CNTNAP5: variants seen among roughly 807,000 people sequenced by gnomAD.
CNTNAP5 encodes contactin-associated protein-like 5.
CNTNAP5 carries 72 observed loss-of-function variants against 150.2 expected under a neutral mutation model. The observed-to-expected ratio is 0.48, with a 90% CI of 0.40 to 0.58. The LOEUF is 0.58. CNTNAP5 is among the 20% of genes least tolerant of loss of function. The pLI, the probability that CNTNAP5 is intolerant of heterozygous loss-of-function variation, is 0.00. For missense variants in CNTNAP5, 1,636 were observed against 1,626.2 expected, an observed-to-expected ratio of 1.01 and a Z score of -0.10; for synonymous variants, 672 against 619.8, an observed-to-expected ratio of 1.08 and a Z score of -1.25.
intron 10 of CNTNAP5, among the ~76,000 whole-genome samples, chr2:124,531,343 G>A (rs1486015093): frequency 6.6e-6 from 1 of 152,142 alleles, no homozygotes; most frequent in Non-Finnish European, 1.5e-5. Context: ...CTCACCTCCT[G>A]CTGTTGGTCC....
chr2:124,509,026 C>T (rs1008120039), intron 8 of CNTNAP5, among the ~76,000 whole-genome samples: 24 of 151,700 alleles, frequency 1.6e-4, no homozygotes, highest in Admixed American at 4.6e-4. Flanking sequence ...CTTGGTATGT[C>T]CCAAATGGGT....
intron 1 of CNTNAP5, among the ~76,000 whole-genome samples, chr2:124,035,910 CTT>C (rs759598012): frequency 5.2e-5 from 4 of 76,532 alleles, no homozygotes; most frequent in East Asian, 5.0e-4. Flanking sequence ...AGGATGAACT[CTT>C]TTTTTTTTTT....
intron 19 of CNTNAP5, among the ~76,000 whole-genome samples, chr2:124,803,409 T>C (rs999199045): frequency 5.9e-5 from 9 of 152,236 alleles, no homozygotes; most frequent in Admixed American, 5.9e-4. Context: ...ATATGTGTTA[T>C]GATCAATTTC....
chr2:124,318,212 G>A (rs896156202), intron 3 of CNTNAP5, among the ~76,000 whole-genome samples: 3 of 152,130 alleles, frequency 2.0e-5, no homozygotes, highest in African/African-American at 2.4e-5. Context: ...GAGATCACAG[G>A]GCGAAGCAAA....
intron 7 of CNTNAP5, among the ~76,000 whole-genome samples, chr2:124,488,647 G>T (rs1693947377): frequency 1.3e-5 from 2 of 152,194 alleles, no homozygotes; most frequent in African/African-American, 2.4e-5. Context: ...GAAGAGAAAT[G>T]AGTAATTTTA....
At chr2:124,407,406 C>T (rs564030022) in intron 3 of CNTNAP5, among the ~76,000 whole-genome samples, 59 of 152,144 alleles carry the variant, frequency 3.9e-4, no homozygotes, top group African/African-American at 1.2e-3. Flanking sequence ...GGAAAGCTTC[C>T]TCTCTTCTTT....
chr2:124,243,443 G>T (rs1686938421), intron 3 of CNTNAP5, among the ~76,000 whole-genome samples: 1 of 152,088 alleles, frequency 6.6e-6, no homozygotes, highest in African/African-American at 2.4e-5. Flanking sequence ...ATCACTTGGG[G>T]TTGTAATTGA....
intron 21 of CNTNAP5, among the ~76,000 whole-genome samples, chr2:124,876,346 G>A (rs971931171): frequency 1.8e-4 from 28 of 151,694 alleles, no homozygotes; most frequent in Admixed American, 2.6e-4. Context: ...TGAAAACAGG[G>A]AAAGGCTACT....
intron 19 of CNTNAP5, among the ~76,000 whole-genome samples, chr2:124,820,900 T>A (rs1682472195): frequency 6.6e-6 from 1 of 152,214 alleles, no homozygotes; most frequent in African/African-American, 2.4e-5. Context: ...AAGCCCCCGG[T>A]TGAAGCAATA....
chr2:124,556,684 A>G lies in CNTNAP5; in HGVS notation c.1650-6533A>G, dbSNP rs144371903. On this transcript the variant is annotated intron_variant, in intron 10 of 23. Transcript: ENST00000682447. ...GGTGATAAGTGGTGAGAGTCAGGAC[A>G]GCTTCTGAAGGCCCAGCCAGCAGGA... 4.2e-3 allele frequency among the ~76,000 whole-genome samples: 645 copies of G among 152,256 alleles called. 3 individuals carry two copies. The highest frequency in any genetic ancestry group is 6.9e-3 in the Non-Finnish European group (471 of 68,026).
intron 10 of CNTNAP5, among the ~76,000 whole-genome samples, chr2:124,560,403 C>T (rs1695861077): frequency 6.6e-6 from 1 of 151,522 alleles, no homozygotes; most frequent in African/African-American, 2.4e-5. Flanking sequence ...CCTGTAATCC[C>T]AGCTACTCGG....
chr2:124,483,742 T>C (rs1196965205), intron 7 of CNTNAP5, among the ~76,000 whole-genome samples: 1 of 152,240 alleles, frequency 6.6e-6, no homozygotes, highest in African/African-American at 2.4e-5. Flanking sequence ...TTATTGAACA[T>C]CTACTGTGTT....
At chr2:124,560,102 T>C (rs1695854196) in intron 10 of CNTNAP5, among the ~76,000 whole-genome samples, 1 of 152,208 alleles carries the variant, frequency 6.6e-6, no homozygotes, top group Non-Finnish European at 1.5e-5. Flanking sequence ...ACAAGGTCTG[T>C]GTGAGGCATA....
intron 3 of CNTNAP5, among the ~76,000 whole-genome samples, chr2:124,349,124 T>C (rs1439996636): frequency 1.3e-5 from 2 of 152,176 alleles, no homozygotes; most frequent in African/African-American, 4.8e-5. Flanking sequence ...GGAAATACAT[T>C]CTGAGAAATG....
At chr2:124,466,725 A>T (rs927925291) in intron 6 of CNTNAP5, among the ~76,000 whole-genome samples, 1 of 152,178 alleles carries the variant, frequency 6.6e-6, no homozygotes, top group Non-Finnish European at 1.5e-5. Flanking sequence ...GTTGCCAACG[A>T]ATGGATGAGC....
chr2:124,739,797 C>T (rs1399316969), intron 13 of CNTNAP5, among the ~76,000 whole-genome samples: 1 of 152,074 alleles, frequency 6.6e-6, no homozygotes, highest in African/African-American at 2.4e-5. Flanking sequence ...TTGCATAAAA[C>T]TGTTCCCACG....
chr2:124,520,433 T>A lies in CNTNAP5; in HGVS notation c.1328-3870T>A, dbSNP rs142123831. On this transcript the variant is annotated intron_variant, in intron 8 of 23. Coordinates refer to ENST00000682447, the MANE Select transcript of CNTNAP5 (RefSeq NM_001367498.1). ...TCTTGGGATTTTTGATACTTACTGG[T>A]GTATTGCCTTCCAGAAAGAATGTGC... Among the ~76,000 whole-genome samples the A allele has an allele frequency of 4.1e-3, 622 of 152,324 alleles. 3 individuals are homozygous for A. Among genetic ancestry groups the A allele is most frequent in the Non-Finnish European group, 4.3e-3 (295 of 68,038 alleles).
chr2:124,710,198 C>T (rs1165661834), intron 13 of CNTNAP5, among the ~76,000 whole-genome samples: 1 of 152,058 alleles, frequency 6.6e-6, no homozygotes, highest in Non-Finnish European at 1.5e-5. Context: ...CCCAGTGTTG[C>T]CAAGACTTCT....
intron 4 of CNTNAP5, among the ~76,000 whole-genome samples, chr2:124,432,324 C>T (rs1013773292): frequency 1.3e-5 from 2 of 152,150 alleles, no homozygotes; most frequent in Admixed American, 1.3e-4. Flanking sequence ...TCATGCTGGC[C>T]TCCTGCAGTA....
Sources: allele counts gnomAD v4.1 joint callset (sites outside exome capture counted in the v4.1 genomes callset), GRCh38; gene constraint gnomAD v4.1.1; transcripts MANE v1.5; gene names NCBI Gene and HGNC (gene_info 2026-07-23, HGNC 2026-07-21).